Variants in TTC23L observed in about 807,000 individuals in gnomAD.
The protein encoded by TTC23L is tetratricopeptide repeat domain 23 like, also known as tetratricopeptide repeat protein 23-like.
TTC23L carries 42 observed loss-of-function variants against 48.1 expected under a neutral mutation model. That is an observed-to-expected ratio of 0.87 (90% CI 0.68 to 1.13). The LOEUF is 1.13. Among genes scored for constraint, TTC23L ranks in the 50% most tolerant of loss-of-function variants. The probability of loss-of-function intolerance (pLI) is 0.00; values close to 1 mark genes in which losing one functional copy is unlikely to be tolerated. For synonymous variants in TTC23L, 159 were observed against 157.2 expected, an observed-to-expected ratio of 1.01 and a Z score of -0.09; for missense variants, 391 against 421.0, an observed-to-expected ratio of 0.93 and a Z score of 0.62.
At chr5:34,884,726 G>A (rs1163528058) in intron 9 of TTC23L, among the ~76,000 whole-genome samples, 1 of 151,822 alleles carries the variant, frequency 6.6e-6, no homozygotes, top group Admixed American at 6.6e-5. Context: ...ATAAACCAAG[G>A]AGGTGAAAGA....
At position 34,862,879 on chromosome 5, in the gene TTC23L, C is replaced by T; in HGVS notation, c.380-19C>T. ...TTTTAATGTCTGTCTTCTTGCTCCTCACCCTCTAACTCCCCCAGGCCTCCC... is the reference window on the plus strand; with the variant it reads ...TTTTAATGTCTGTCTTCTTGCTCCTTACCCTCTAACTCCCCCAGGCCTCCC... On this transcript the variant is annotated intron_variant, in intron 4 of 10. Transcript: ENST00000505624. The T allele has an allele frequency of 6.2e-7, 1 of 1,613,046 alleles. No homozygotes were observed.
At chr5:34,868,629 T>C in intron 7 of TTC23L, 1 of 286,224 alleles carries the variant, frequency 3.5e-6, no homozygotes, top group Non-Finnish European at 6.8e-6. Flanking sequence ...ATTTTTGCTA[T>C]GAAATCTAAT....
chr5:34,907,655 A>C, the TTC23L span: 4 of 152,272 alleles, frequency 2.6e-5, no homozygotes, highest in Non-Finnish European at 4.4e-5. Flanking sequence ...GAAAGTAGTA[A>C]GTACTGATTG....
chr5:34,859,840 C>CTT (rs10590697), intron 4 of TTC23L, among the ~76,000 whole-genome samples: 653 of 94,590 alleles, frequency 6.9e-3, no homozygotes, highest in Non-Finnish European at 9.8e-3. Flanking sequence ...TTTTCTTCTT[C>CTT]TTTTTTTTTT....
intron 8 of TTC23L, among the ~76,000 whole-genome samples, chr5:34,871,982 C>T (rs980856902): frequency 1.3e-5 from 2 of 151,818 alleles, no homozygotes; most frequent in Non-Finnish European, 2.9e-5. Context: ...TTTATATTTA[C>T]ATAGAAAAAA....
chr5:34,921,912 A>C, the TTC23L span: 4 of 165,798 alleles, frequency 2.4e-5, no homozygotes, highest in East Asian at 1.6e-4. Flanking sequence ...CATCGCAAAA[A>C]AAAAAAAAAA....
At chr5:34,888,054 A>T (rs1412611696) in intron 9 of TTC23L, among the ~76,000 whole-genome samples, 3 of 152,214 alleles carry the variant, frequency 2.0e-5, no homozygotes, top group African/African-American at 7.2e-5. Flanking sequence ...TTAGAAGGTG[A>T]CTAGGACTCA....
At chr5:34,859,713 T>C (rs1347986918) in intron 4 of TTC23L, among the ~76,000 whole-genome samples, 2 of 152,194 alleles carry the variant, frequency 1.3e-5, no homozygotes, top group African/African-American at 4.8e-5. Context: ...TTCTGTTCTT[T>C]ATAAATTACC....
At chr5:34,919,274 CA>C in the TTC23L span, among the ~76,000 whole-genome samples, 7,725 of 35,922 alleles carry the variant, frequency 0.22, 108 homozygotes, top group African/African-American at 0.26. Flanking sequence ...GACCCTGTCT[CA>C]AAAAAAAAAA....
At chr5:34,875,093 A>G (rs1468137560) in intron 8 of TTC23L, among the ~76,000 whole-genome samples, 1 of 152,218 alleles carries the variant, frequency 6.6e-6, no homozygotes, top group Admixed American at 6.5e-5. Flanking sequence ...AGTGCAAGGA[A>G]AGTTATCAGG....
At chr5:34,870,077 G>A (rs138666827) in intron 8 of TTC23L, among the ~76,000 whole-genome samples, 10 of 151,352 alleles carry the variant, frequency 6.6e-5, no homozygotes, top group South Asian at 4.2e-4. Flanking sequence ...AAAAACAAGC[G>A]TTTATGTTTA....
At chr5:34,924,692 A>C in the TTC23L span, among the ~76,000 whole-genome samples, 1 of 152,186 alleles carries the variant, frequency 6.6e-6, no homozygotes, top group Non-Finnish European at 1.5e-5. Flanking sequence ...AGATTTCAGA[A>C]AATATTGATG....
At chr5:34,882,618 TACACACACACACACAC>T (rs146120966) in intron 9 of TTC23L, among the ~76,000 whole-genome samples, 25 of 140,876 alleles carry the variant, frequency 1.8e-4, no homozygotes, top group African/African-American at 4.5e-4. Context: ...TCCCATGGAC[TACACACACACACACAC>T]ACACACACAC....
the TTC23L span, chr5:34,918,486 A>T: frequency 1.4e-6 from 2 of 1,466,126 alleles, no homozygotes; most frequent in East Asian, 2.4e-5. Flanking sequence ...GTGCCTTTAT[A>T]TCATATACTT....
At chr5:34,922,594 T>C in the TTC23L span, 2 of 1,602,804 alleles carry the variant, frequency 1.2e-6, no homozygotes, top group Non-Finnish European at 1.7e-6. Context: ...AAATAGTAAG[T>C]TGACTCAATA....
chr5:34,867,920 G>A (rs1300678784), intron 7 of TTC23L: 2 of 152,206 alleles, frequency 1.3e-5, no homozygotes, highest in African/African-American at 4.8e-5. Flanking sequence ...TGGTTTTTGT[G>A]TTCAAGACTT....
rs140651243 is a variant in TTC23L at position 34,857,924 on chromosome 5, A to T, written c.380-4974A>T. Among the ~76,000 whole-genome samples the T allele has an allele frequency of 4.4e-3, 673 of 152,294 alleles. 6 individuals carry two copies. Among genetic ancestry groups the T allele is most frequent in the African/African-American group, 0.016 (654 of 41,564 alleles). On this transcript the variant is annotated intron_variant, in intron 4 of 10. Transcript: ENST00000505624. ...AGTAACTGCTTAAATATAGATGCTGATCAAAGGTGACTGCTTTCTGGTGAC... is the reference window on the plus strand; with the variant it reads ...AGTAACTGCTTAAATATAGATGCTGTTCAAAGGTGACTGCTTTCTGGTGAC...
At chr5:34,899,231 T>C (rs557907633) in intron 10 of TTC23L, among the ~76,000 whole-genome samples, 159 bp from the exon 11 acceptor site, 1 of 152,246 alleles carries the variant, frequency 6.6e-6, no homozygotes, top group African/African-American at 2.4e-5. Flanking sequence ...AGTATAGTCA[T>C]GTGGTGGAAT....
exon 4 of TTC23L, chr5:34,850,205 G>C (rs779639527): frequency 6.2e-7 from 1 of 1,613,908 alleles, no homozygotes. Flanking sequence ...CAAACAAGGA[G>C]CTGATTCGAT....
Sources: gnomAD v4.1 joint callset for allele counts (sites outside exome capture counted in the v4.1 genomes callset) on GRCh38, gnomAD v4.1.1 for gene constraint, MANE v1.5 for transcripts, NCBI Gene and HGNC (gene_info 2026-07-23, HGNC 2026-07-21) for gene names.